Variants in NRXN1 observed in about 807,000 individuals in gnomAD.
NRXN1 encodes neurexin 1, also known as neurexin-1.
NRXN1 carries 39 observed loss-of-function variants against 150.9 expected under a neutral mutation model. The observed-to-expected ratio is 0.26, with a 90% CI of 0.20 to 0.34. NRXN1 has a LOEUF of 0.34. Ranked by LOEUF, NRXN1 falls within the 10% of genes least tolerant of loss-of-function variation. The probability of loss-of-function intolerance (pLI) is 1.00; values close to 1 mark genes in which losing one functional copy is unlikely to be tolerated. For missense variants in NRXN1, 1,815 were observed against 1,949.9 expected (o/e 0.93, Z 1.30); for synonymous variants, 924 against 757.0 (o/e 1.22, Z -3.62).
At chr2:50,518,421 G>T (rs1375399274) in intron 12 of NRXN1, among the ~76,000 whole-genome samples, 1 of 151,824 alleles carries the variant, frequency 6.6e-6, no homozygotes, top group Non-Finnish European at 1.5e-5. Context: ...TTGCTTTTGA[G>T]TAAGCATTAA....
intron 21 of NRXN1, among the ~76,000 whole-genome samples, chr2:50,027,802 C>G (rs1688590527): frequency 6.6e-6 from 1 of 152,100 alleles, no homozygotes; most frequent in African/African-American, 2.4e-5. Flanking sequence ...AACTTCTATC[C>G]TAACACCTTT....
chr2:50,064,528 G>A (rs929746735), intron 19 of NRXN1, among the ~76,000 whole-genome samples: 1 of 151,686 alleles, frequency 6.6e-6, no homozygotes, highest in Non-Finnish European at 1.5e-5. Context: ...TCTAATGACT[G>A]TGTACAAGAA....
Position 50,315,448 on chromosome 2 carries a change from G to A in NRXN1, c.3365-78478C>T, listed in dbSNP as rs2075521535. Among the ~76,000 whole-genome samples, 6 of 152,236 alleles carry A rather than the reference G, an allele frequency of 3.9e-5. No homozygotes were observed. In the South Asian group the frequency reaches 1.2e-3, roughly 32 times the overall value. ...CTATAAGCATTACACATAATCAGCAGCACTTCAATCATGCTCTTTGCTCAC... is the reference window on the plus strand; with the variant it reads ...CTATAAGCATTACACATAATCAGCAACACTTCAATCATGCTCTTTGCTCAC... On this transcript the variant is annotated intron_variant, in intron 17 of 22. Transcript: ENST00000401669.
At chr2:50,679,060 G>A (rs1001403618) in intron 5 of NRXN1, among the ~76,000 whole-genome samples, 4 of 152,032 alleles carry the variant, frequency 2.6e-5, no homozygotes, top group Non-Finnish European at 4.4e-5. Context: ...AGCTCTTGGG[G>A]CATGTACAGG....
chr2:50,066,628 T>C (rs1170803031), intron 19 of NRXN1, among the ~76,000 whole-genome samples: 1 of 152,096 alleles, frequency 6.6e-6, no homozygotes, highest in African/African-American at 2.4e-5. Flanking sequence ...GACTCTCCAA[T>C]AAAACATATT....
chr2:50,293,059 C>T (rs60291038), intron 17 of NRXN1, among the ~76,000 whole-genome samples: 43,450 of 151,976 alleles, frequency 0.29, 6,514 homozygotes, highest in East Asian at 0.39. Context: ...TGCCCCTAAG[C>T]GTACATACCC....
At chr2:49,955,766 ATGAAAGCTTTATCTTTTTCC>A (rs1188222641) in intron 21 of NRXN1, among the ~76,000 whole-genome samples, 1 of 152,138 alleles carries the variant, frequency 6.6e-6, no homozygotes, top group Non-Finnish European at 1.5e-5. Context: ...TAACTACAGG[ATGAAAGCTTTATCTTTTTCC>A]TGAAAGAGGC....
At chr2:51,025,087 G>A (rs148598010) in intron 2 of NRXN1, among the ~76,000 whole-genome samples, 4 of 152,100 alleles carry the variant, frequency 2.6e-5, no homozygotes, top group African/African-American at 9.7e-5. Flanking sequence ...CTTCTAGGAA[G>A]ACTGACTCTG....
chr2:50,611,457 T>C (rs77169385), intron 8 of NRXN1, among the ~76,000 whole-genome samples: 12,637 of 152,150 alleles, frequency 0.083, 1,255 homozygotes, highest in African/African-American at 0.23. Context: ...AGATGCTTTG[T>C]GGACTGAAGA....
intron 21 of NRXN1, among the ~76,000 whole-genome samples, chr2:49,956,000 C>T (rs565092441): frequency 9.9e-5 from 15 of 152,156 alleles, no homozygotes; most frequent in Middle Eastern, 3.4e-3. Flanking sequence ...GCATGCAATC[C>T]AGTTTCTTTT....
chr2:50,617,193 G>A (rs1351212795), intron 8 of NRXN1, among the ~76,000 whole-genome samples: 1 of 151,882 alleles, frequency 6.6e-6, no homozygotes, highest in African/African-American at 2.4e-5. Flanking sequence ...CAGCACGTTG[G>A]GAGGCCAAGG....
intron 17 of NRXN1, among the ~76,000 whole-genome samples, chr2:50,405,395 A>C (rs1205913345): frequency 6.6e-6 from 1 of 152,152 alleles, no homozygotes; most frequent in East Asian, 1.9e-4. Flanking sequence ...TTGGCATAGA[A>C]ACCAACAATC....
chr2:50,612,989 A>T (rs922349682), intron 8 of NRXN1, among the ~76,000 whole-genome samples: 2 of 152,204 alleles, frequency 1.3e-5, no homozygotes, highest in African/African-American at 4.8e-5. Context: ...ACATTTCAAT[A>T]TTTCCGAGAT....
At chr2:49,942,683 G>C (rs1370226617) in intron 22 of NRXN1, among the ~76,000 whole-genome samples, 2 of 151,858 alleles carry the variant, frequency 1.3e-5, no homozygotes, top group Non-Finnish European at 2.9e-5. Context: ...GATCTTGGCT[G>C]ACTGCAACCT....
chr2:50,925,997 T>C (rs1686815991), intron 2 of NRXN1, 42 bp from the exon 3 acceptor site: 1 of 1,533,826 alleles, frequency 6.5e-7, no homozygotes, highest in Non-Finnish European at 8.9e-7. Context: ...GGAAAAACAT[T>C]CATTAAGCAG....
At chr2:50,958,203 G>C (rs1021162447) in intron 2 of NRXN1, among the ~76,000 whole-genome samples, 3 of 152,094 alleles carry the variant, frequency 2.0e-5, no homozygotes, top group East Asian at 3.9e-4. Flanking sequence ...GGGAACGAGA[G>C]ATTCCTATGT....
At chr2:50,984,458 A>T (rs895572748) in intron 2 of NRXN1, among the ~76,000 whole-genome samples, 3 of 152,028 alleles carry the variant, frequency 2.0e-5, no homozygotes, top group Admixed American at 1.3e-4. Flanking sequence ...GCCAATCTCC[A>T]TTTTACAGTA....
At chr2:50,339,171 T>G (rs2152991295) in intron 17 of NRXN1, among the ~76,000 whole-genome samples, 1 of 152,300 alleles carries the variant, frequency 6.6e-6, no homozygotes, top group Non-Finnish European at 1.5e-5. Flanking sequence ...TTCACTGCCT[T>G]GTATTTTACC....
chr2:50,649,296 A>AC (rs1685264998), intron 5 of NRXN1, among the ~76,000 whole-genome samples: 4 of 150,604 alleles, frequency 2.7e-5, no homozygotes, highest in Non-Finnish European at 5.9e-5. Context: ...ACACACACAC[A>AC]AAGAAATCAC....
Sources: allele counts gnomAD v4.1 joint callset (sites outside exome capture counted in the v4.1 genomes callset), GRCh38; gene constraint gnomAD v4.1.1; transcripts MANE v1.5; gene names NCBI Gene and HGNC (gene_info 2026-07-23, HGNC 2026-07-21).